GALNT18: variants seen among roughly 807,000 people sequenced by gnomAD.
GALNT18 encodes the protein GalNAc-transferase 18.
In GALNT18, 44 loss-of-function variants were observed where a neutral mutation model predicts 69.5. The observed-to-expected ratio is 0.63, with a 90% confidence interval of 0.50 to 0.81. The LOEUF is 0.81. GALNT18 is among the 40% of genes least tolerant of loss of function. GALNT18 has a pLI of 0.00. For missense variants in GALNT18, 715 were observed against 810.0 expected, an observed-to-expected ratio of 0.88 and a Z score of 1.42; for synonymous variants, 364 against 318.2, an observed-to-expected ratio of 1.14 and a Z score of -1.53.
intron 6 of GALNT18, among the ~76,000 whole-genome samples, chr11:11,370,962 A>G (rs1462534597): frequency 1.3e-5 from 2 of 152,184 alleles, no homozygotes; most frequent in South Asian, 2.1e-4. Context: ...TGAGGATACA[A>G]ATGGGGAATA....
intron 10 of GALNT18, among the ~76,000 whole-genome samples, chr11:11,278,661 TTGAATTCC>T (rs933226740): frequency 4.0e-5 from 6 of 151,402 alleles, no homozygotes; most frequent in African/African-American, 1.5e-4. Context: ...AAAAAAAAAA[TTGAATTCC>T]TGGAGAGAGA....
chr11:11,401,226 T>G (rs1347423983), intron 3 of GALNT18, among the ~76,000 whole-genome samples: 1 of 152,166 alleles, frequency 6.6e-6, no homozygotes, highest in Non-Finnish European at 1.5e-5. Context: ...AATCATGATA[T>G]GTTCAACCTC....
At chr11:11,477,567 G>A (rs779416898) in intron 1 of GALNT18, among the ~76,000 whole-genome samples, 9 of 152,192 alleles carry the variant, frequency 5.9e-5, no homozygotes, top group Non-Finnish European at 1.2e-4. Context: ...GGCAAATAGG[G>A]AGGAAGAGCT....
chr11:11,290,993 A>G (rs925185732), intron 10 of GALNT18, among the ~76,000 whole-genome samples: 1 of 152,200 alleles, frequency 6.6e-6, no homozygotes, highest in African/African-American at 2.4e-5. Flanking sequence ...TTGAGAAACA[A>G]CAGCCATCCT....
intron 9 of GALNT18, among the ~76,000 whole-genome samples, chr11:11,312,193 G>GC (rs34578737): frequency 0.4 from 59,127 of 147,232 alleles, 13,324 homozygotes; most frequent in Admixed American, 0.44. Flanking sequence ...TTCATGATCT[G>GC]CCACCTCGGC....
At chr11:11,364,938 C>T (rs74454030) in intron 6 of GALNT18, among the ~76,000 whole-genome samples, 4,496 of 150,972 alleles carry the variant, frequency 0.03, 93 homozygotes, top group South Asian at 0.073. Context: ...ACAACTGCAA[C>T]GGGATTTATT....
Position 11,340,298 on chromosome 11 carries a change from C to G in GALNT18, c.1278+521G>C, listed in dbSNP as rs895747824. On this transcript the variant is annotated intron_variant, in intron 7 of 10. Coordinates refer to ENST00000227756, the MANE Select transcript of GALNT18 (RefSeq NM_198516.3). This position sits in a 1 kb window ranked among gnomAD's most constrained non-coding sequence, Gnocchi z 4.2. ...GGCTCTGTGAAGGTTAACTCCATCT[C>G]CTAGTGAAGGTCCCTGTAGGTGTGC... 2.2e-5 allele frequency among the ~76,000 whole-genome samples: 1 copy of G among 44,558 alleles called. No individual in the cohort carries two copies. Among genetic ancestry groups the G allele is most frequent in the Non-Finnish European group, 3.8e-5 (1 of 26,032 alleles). 29.2% of individuals were successfully genotyped at this position (44,558 alleles called of 152,430 possible).
In GALNT18 at chr11:11,270,894, T is replaced by C; in HGVS notation, c.*250A>G. 2.7e-6 allele frequency: 1 copy of C among 374,700 alleles called. No homozygotes were observed. Among genetic ancestry groups the C allele is most frequent in the Non-Finnish European group, 4.8e-6 (1 of 207,808 alleles). 23.2% of individuals were successfully genotyped at this position (374,700 alleles called of 1,614,324 possible). On this transcript the variant is annotated 3_prime_UTR_variant, in exon 11 of 11. Coordinates refer to ENST00000227756, the MANE Select transcript of GALNT18 (RefSeq NM_198516.3). The stretch of plus-strand genomic sequence containing the variant: ...CAAAACCCTTTTCTTAATAATATTT[T>C]ATTGTCAGTTATAAATATTTTCCAT...
chr11:11,619,841 T>G lies in GALNT18; in HGVS notation c.235+1518A>C, dbSNP rs550635662. On this transcript the variant is annotated intron_variant, in intron 1 of 10. Coordinates refer to ENST00000227756, the MANE Select transcript of GALNT18 (RefSeq NM_198516.3). The surrounding 1 kb of genome is among the most constrained non-coding windows in gnomAD (Gnocchi z 4.9). ...ATTGGTTTTCAAGCCCAGTGCCAGG[T>G]TGAGAGGCAGAGGCAGGTCTGAAGA... 2.6e-5 allele frequency among the ~76,000 whole-genome samples: 4 copies of G among 152,260 alleles called. No individual in the cohort carries two copies. The South Asian group carries it at 6.2e-4, about 24-fold the overall frequency.
chr11:11,334,950 C>A (rs751992346), intron 7 of GALNT18, among the ~76,000 whole-genome samples: 3 of 152,238 alleles, frequency 2.0e-5, no homozygotes, highest in Non-Finnish European at 4.4e-5. Context: ...CTAAAGCATT[C>A]ATTAAGTATT....
Position 11,341,041 on chromosome 11 carries a change from T to C in GALNT18, c.1093-37A>G. ...ATGGAGCCACTTGTCAGAGCCTGCCTGGCTCTGCCTTTCTACACCAGGCCT... is the reference window on the plus strand; with the variant it reads ...ATGGAGCCACTTGTCAGAGCCTGCCCGGCTCTGCCTTTCTACACCAGGCCT... On this transcript the variant is annotated intron_variant, in intron 6 of 10. Transcript: ENST00000227756. This position sits in a 1 kb window ranked among gnomAD's most constrained non-coding sequence, Gnocchi z 6.3. 1 of 1,549,608 alleles carries C rather than the reference T, an allele frequency of 6.5e-7. No homozygotes were observed. Among genetic ancestry groups the C allele is most frequent in the Non-Finnish European group, 8.7e-7 (1 of 1,143,588 alleles).
In GALNT18 at chr11:11,557,863, C is replaced by T. The variant is rs192529835; in HGVS notation, c.235+63496G>A. Among the ~76,000 whole-genome samples, 92 of 152,292 alleles carry T rather than the reference C, an allele frequency of 6.0e-4. No individual in the cohort carries two copies. In the Middle Eastern group the frequency reaches 0.014, roughly 23 times the overall value. On this transcript the variant is annotated intron_variant, in intron 1 of 10. Transcript: ENST00000227756. ...ACATACCTGGTGATCACAGCTGGTCCGTGTACATCCACTGAGTTGACATTT... is the reference window on the plus strand; with the variant it reads ...ACATACCTGGTGATCACAGCTGGTCTGTGTACATCCACTGAGTTGACATTT...
At chr11:11,528,221 T>G (rs2133937941) in intron 1 of GALNT18, among the ~76,000 whole-genome samples, 1 of 152,270 alleles carries the variant, frequency 6.6e-6, no homozygotes, top group African/African-American at 2.4e-5. Context: ...TGCAGAATAA[T>G]ATTGTGTGTT....
At position 11,372,543 on chromosome 11, in the gene GALNT18, C is replaced by T. The variant is rs781072816; in HGVS notation, c.1064G>A (p.Gly355Glu). The change falls in exon 6 of 11, where the codon GGG becomes GAG. Residue 355 changes from glycine to glutamate, a missense_variant. By Grantham distance (98) the Gly-to-Glu change is moderately conservative. Transcript: ENST00000227756. This position sits in a 1 kb window ranked among gnomAD's most constrained non-coding sequence, Gnocchi z 4.9. The part of the protein sequence containing the change: ...GLLDEGMEVY[G>E]GENVELGIRV... ...GATCCCAAGCTCCACATTCTCGCCC[C>T]CGTAGACTTCCATGCCTTCGTCCAG... The T allele has an allele frequency of 6.2e-7, 1 of 1,614,210 alleles. No individual in the cohort carries two copies. Among genetic ancestry groups the T allele is most frequent in the South Asian group, 1.1e-5 (1 of 91,090 alleles).
rs985901459 is a variant in GALNT18 at position 11,617,092 on chromosome 11, A to G, written c.235+4267T>C. ...GGGATATTATGGGAGTGGTTTGTGC[A>G]AGGAAGATGAACAGGACGCCAATTG... is the stretch of plus-strand genomic sequence containing the variant. On this transcript the variant is annotated intron_variant, in intron 1 of 10. Transcript: ENST00000227756. The surrounding 1 kb of genome is among the most constrained non-coding windows in gnomAD (Gnocchi z 4.7). Among the ~76,000 whole-genome samples the G allele has an allele frequency of 2.6e-5, 4 of 152,220 alleles. No individual in the cohort carries two copies. Among genetic ancestry groups the G allele is most frequent in the Non-Finnish European group, 5.9e-5 (4 of 68,048 alleles).
chr11:11,462,790 C>A (rs1253241086), intron 1 of GALNT18, among the ~76,000 whole-genome samples: 1 of 152,158 alleles, frequency 6.6e-6, no homozygotes, highest in African/African-American at 2.4e-5. Flanking sequence ...GCAGCTGATT[C>A]TAGGACCGGG....
At chr11:11,379,446 A>G (rs1405386858) in intron 3 of GALNT18, among the ~76,000 whole-genome samples, 182 bp from the exon 4 acceptor site, 1 of 152,210 alleles carries the variant, frequency 6.6e-6, no homozygotes, top group Admixed American at 6.5e-5. Context: ...AGGGAAAAAT[A>G]GAGGGGAATA....
At chr11:11,552,843 C>G (rs1274175355) in intron 1 of GALNT18, among the ~76,000 whole-genome samples, 1 of 152,096 alleles carries the variant, frequency 6.6e-6, no homozygotes, top group Non-Finnish European at 1.5e-5. Flanking sequence ...ATTAAATAAC[C>G]AGGTCCCAGC....
At chr11:11,576,975 A>G (rs1271425426) in intron 1 of GALNT18, among the ~76,000 whole-genome samples, 1 of 151,954 alleles carries the variant, frequency 6.6e-6, no homozygotes, top group African/African-American at 2.4e-5. Context: ...GGAGGCCAAA[A>G]CTCAGACTTC....
Sources: gnomAD v4.1 joint callset for allele counts (sites outside exome capture counted in the v4.1 genomes callset) on GRCh38, gnomAD v4.1.1 for gene constraint, Gnocchi (gnomAD v3.1) non-coding constraint, MANE v1.5 for transcripts, NCBI Gene and HGNC (gene_info 2026-07-23, HGNC 2026-07-21) for gene names.